Variants in PLD1 observed in about 807,000 individuals in gnomAD.
The protein encoded by PLD1 is choline phosphatase 1.
In PLD1, 112 loss-of-function variants were observed where a neutral mutation model predicts 137.1. The ratio of observed to expected loss-of-function variants is 0.82; its 90% CI spans 0.70 to 0.96. The LOEUF (loss-of-function observed/expected upper bound fraction) is 0.96, where lower values mean the gene tolerates loss of function less well. Ranked by LOEUF, PLD1 falls within the 40% of genes least tolerant of loss-of-function variation. The pLI, the probability that PLD1 is intolerant of heterozygous loss-of-function variation, is 0.00. For synonymous variants in PLD1, 431 were observed against 454.7 expected, an observed-to-expected ratio of 0.95 and a Z score of 0.66; for missense variants, 1,321 against 1,342.0, an observed-to-expected ratio of 0.98 and a Z score of 0.24.
At chr3:171,687,871 C>T (rs746233090) in intron 14 of PLD1, among the ~76,000 whole-genome samples, 64 of 152,278 alleles carry the variant, frequency 4.2e-4, no homozygotes, top group Non-Finnish European at 7.6e-4. Flanking sequence ...ACATGGGTTA[C>T]ATTCAGTGTT....
chr3:171,671,332 C>A (rs1405378111), intron 19 of PLD1, among the ~76,000 whole-genome samples: 1 of 152,086 alleles, frequency 6.6e-6, no homozygotes. Context: ...GTGCCCTGGC[C>A]CATCAGTCAT....
intron 9 of PLD1, among the ~76,000 whole-genome samples, chr3:171,712,992 G>T (rs1399931418): frequency 1.3e-5 from 2 of 152,160 alleles, no homozygotes. Context: ...TATGTGCACA[G>T]GGAGAAATGC....
At position 171,737,920 on chromosome 3, in the gene PLD1, C is replaced by T. The variant is rs747894537; in HGVS notation, c.132G>A (p.Val44=). Reference sequence around the variant, plus strand: ...CTTGTATCTTGGGATCGCTGGGAGACACGTCGTAGTCTACCTCCTCTCCCT... The same window carrying T: ...CTTGTATCTTGGGATCGCTGGGAGATACGTCGTAGTCTACCTCCTCTCCCT... ...HFEGEEVDYD[V]SPSDPKIQEV... The change falls in exon 2 of 27, where the codon GTG becomes GTA. Residue 44 remains valine (V), a synonymous_variant. Coordinates refer to ENST00000351298, the MANE Select transcript of PLD1 (RefSeq NM_002662.5). The T allele has an allele frequency of 6.2e-7, 1 of 1,613,924 alleles. No individual in the cohort carries two copies. The highest frequency in any genetic ancestry group is 8.5e-7 in the Non-Finnish European group (1 of 1,179,942).
At chr3:171,712,498 T>C (rs1717342019) in intron 9 of PLD1, among the ~76,000 whole-genome samples, 1 of 151,896 alleles carries the variant, frequency 6.6e-6, no homozygotes, top group South Asian at 2.1e-4. Flanking sequence ...AACATGGACA[T>C]AAGAAAAGCA....
At chr3:171,732,809 C>T (rs950829957) in intron 6 of PLD1, among the ~76,000 whole-genome samples, 5 of 152,134 alleles carry the variant, frequency 3.3e-5, no homozygotes, top group Non-Finnish European at 7.4e-5. Context: ...TTTAATAGTG[C>T]AGAGCTACTT....
chr3:171,652,745 C>T (rs1174743276), intron 21 of PLD1, among the ~76,000 whole-genome samples: 4 of 144,474 alleles, frequency 2.8e-5, no homozygotes, highest in Admixed American at 2.1e-4. Flanking sequence ...GGACCACAGG[C>T]ATGTACCAGC....
chr3:171,666,767 T>C (rs909344067), intron 19 of PLD1, among the ~76,000 whole-genome samples: 11 of 152,222 alleles, frequency 7.2e-5, no homozygotes, highest in Admixed American at 5.2e-4. Flanking sequence ...AAATCTAATC[T>C]ATACTTTTCA....
At chr3:171,775,578 C>T (rs1722560196) in intron 1 of PLD1, among the ~76,000 whole-genome samples, 1 of 151,910 alleles carries the variant, frequency 6.6e-6, no homozygotes. Context: ...CGCAGTGGCT[C>T]ACGTCTGTGA....
chr3:171,808,815 A>ATTTTTTTTTTTTTTTTTTTTTTTTTT (rs60146546), intron 1 of PLD1, among the ~76,000 whole-genome samples: 6 of 86,236 alleles, frequency 7.0e-5, no homozygotes, highest in African/African-American at 1.9e-4. Context: ...TTAGCATTCA[A>ATTTTTTTTTTTTTTTTTTTTTTTTTT]TTTTTTTTTT....
chr3:171,634,324 T>C (rs759589826), intron 23 of PLD1, among the ~76,000 whole-genome samples: 13 of 152,198 alleles, frequency 8.5e-5, no homozygotes, highest in Non-Finnish European at 1.5e-4. Context: ...TTTTTACTGT[T>C]GAGAAACTCA....
intron 21 of PLD1, chr3:171,654,016 G>T: frequency 6.5e-6 from 2 of 306,944 alleles, no homozygotes; most frequent in South Asian, 2.5e-5. Flanking sequence ...TTACAGGCAA[G>T]CAGTAGCTCT....
At chr3:171,633,535 A>G (rs1734854376) in intron 23 of PLD1, among the ~76,000 whole-genome samples, 1 of 152,130 alleles carries the variant, frequency 6.6e-6, no homozygotes, top group African/African-American at 2.4e-5. Context: ...TCTCTAATGT[A>G]AGTGATGGGT....
At chr3:171,806,853 C>T (rs6777580) in intron 1 of PLD1, among the ~76,000 whole-genome samples, 106 of 152,312 alleles carry the variant, frequency 7.0e-4, no homozygotes, top group African/African-American at 2.4e-3. Flanking sequence ...AATTCCCTTA[C>T]GTGTTCCTTC....
intron 1 of PLD1, among the ~76,000 whole-genome samples, chr3:171,800,958 G>A (rs1461668424): frequency 6.6e-6 from 1 of 152,186 alleles, no homozygotes; most frequent in Admixed American, 6.5e-5. Context: ...CCCTTGGGGT[G>A]AGGATTTCAA....
At chr3:171,764,883 GAA>G (rs369681569) in intron 1 of PLD1, among the ~76,000 whole-genome samples, 1,905 of 25,142 alleles carry the variant, frequency 0.076, 252 homozygotes, top group Middle Eastern at 0.13. Flanking sequence ...AAGAAAGAAA[GAA>G]AGAAAGAAAG....
chr3:171,739,778 C>G (rs1004936196), intron 1 of PLD1, among the ~76,000 whole-genome samples: 1 of 152,144 alleles, frequency 6.6e-6, no homozygotes, highest in Admixed American at 6.5e-5. Flanking sequence ...AACAATCTGT[C>G]AAGGTCACAC....
chr3:171,609,547 CA>C (rs1158565271), intron 25 of PLD1, among the ~76,000 whole-genome samples: 7 of 146,088 alleles, frequency 4.8e-5, no homozygotes, highest in African/African-American at 1.6e-4. Flanking sequence ...CACACACACA[CA>C]CACACACCAG....
At chr3:171,613,907 T>C (rs930235592) in intron 24 of PLD1, among the ~76,000 whole-genome samples, 3 of 152,202 alleles carry the variant, frequency 2.0e-5, no homozygotes, top group South Asian at 2.1e-4. Context: ...ACTCTTCTTG[T>C]TCCTCTTGCT....
chr3:171,745,882 G>T (rs760791792), intron 1 of PLD1, among the ~76,000 whole-genome samples: 4 of 152,042 alleles, frequency 2.6e-5, no homozygotes, highest in Non-Finnish European at 5.9e-5. Flanking sequence ...TTGCAGGGAG[G>T]TGTGGAGGGA....
Sources: gnomAD v4.1 joint callset for allele counts (sites outside exome capture counted in the v4.1 genomes callset) on GRCh38, gnomAD v4.1.1 for gene constraint, MANE v1.5 for transcripts, NCBI Gene and HGNC (gene_info 2026-07-23, HGNC 2026-07-21) for gene names.